The following FMNL1 variants were observed in gnomAD, a reference collection of about 807,000 sequenced individuals.
The protein encoded by FMNL1 is formin-like protein 1.
FMNL1 carries 43 observed loss-of-function variants against 121.3 expected under a neutral mutation model. That is an observed-to-expected ratio of 0.35 (90% CI 0.28 to 0.46). FMNL1 has a LOEUF of 0.46. FMNL1 is among the 20% of genes least tolerant of loss of function. The pLI, the probability that FMNL1 is intolerant of heterozygous loss-of-function variation, is 1.00. For synonymous variants in FMNL1, 613 were observed against 613.5 expected (o/e 1.00, Z 0.01); for missense variants, 1,191 against 1,482.4 (o/e 0.80, Z 3.23).
intron 16 of FMNL1, 46 bp downstream of exon 16, chr17:45,242,511 G>A: frequency 1.9e-6 from 3 of 1,595,800 alleles, no homozygotes; most frequent in Non-Finnish European, 2.6e-6. Context: ...GGAGGAAGAG[G>A]GGAGTTGCCT....
chr17:45,238,799 A>G, intron 10 of FMNL1, 156 bp from the exon 11 acceptor site: 1 of 1,095,934 alleles, frequency 9.1e-7, no homozygotes. Context: ...GGCTGGATTG[A>G]GGGAACATGG....
chr17:45,237,426 G>C lies in FMNL1; in HGVS notation c.800+69G>C. Reference sequence around the variant, plus strand: ...TCCTACTTAGCCCCTTGCTTACTCTGTCCTCCAGGTCTCAGAGGCTCATTC... The same window carrying C: ...TCCTACTTAGCCCCTTGCTTACTCTCTCCTCCAGGTCTCAGAGGCTCATTC... On this transcript the variant is annotated intron_variant, in intron 8 of 26. Transcript: ENST00000331495. This position sits in a 1 kb window ranked among gnomAD's most constrained non-coding sequence, Gnocchi z 4.4. 2 of 1,609,684 alleles carry C rather than the reference G, an allele frequency of 1.2e-6. No homozygotes were observed. Among genetic ancestry groups the C allele is most frequent in the Non-Finnish European group, 1.7e-6 (2 of 1,176,026 alleles).
chr17:45,238,644 C>T lies in FMNL1; in HGVS notation c.969+6C>T. On this transcript the variant is annotated splice_donor_region_variant and intron_variant, in intron 10 of 26. Coordinates refer to ENST00000331495, the MANE Select transcript of FMNL1 (RefSeq NM_005892.4). ...ACAGCAACATCGACTTCATGGTGAG[C>T]TCAGGAGCCCAGCAGCCTGAGGCCT... The T allele has an allele frequency of 6.2e-7, 1 of 1,614,120 alleles. No homozygotes were observed. Among genetic ancestry groups the T allele is most frequent in the South Asian group, 1.1e-5 (1 of 91,088 alleles).
At position 45,237,221 on chromosome 17, in the gene FMNL1, TG is replaced by T; in HGVS notation, c.724-57del. ...AGGGCAGTTAAAGATCCACGTGGCG[TG>T]GGTGCCTGAAGTCCTGGGGGGCCCT... On this transcript the variant is annotated intron_variant, in intron 7 of 26. Transcript: ENST00000331495. This position sits in a 1 kb window ranked among gnomAD's most constrained non-coding sequence, Gnocchi z 4.4. 1 of 1,524,512 alleles carries T rather than the reference TG, an allele frequency of 6.6e-7. No individual in the cohort carries two copies. The highest frequency in any genetic ancestry group is 9.1e-7 in the Non-Finnish European group (1 of 1,099,978). The allele number at this position is 1,524,512 out of a possible 1,614,324, so 94.4% of individuals were successfully genotyped here.
At chr17:45,239,194 G>A (rs1354921691) in intron 11 of FMNL1, 129 bp downstream of exon 11, 2 of 726,480 alleles carry the variant, frequency 2.8e-6, no homozygotes, top group Non-Finnish European at 4.9e-6. Flanking sequence ...TGCCTGCCGT[G>A]TGACCTTGGA....
At chr17:45,244,712 A>C in intron 19 of FMNL1, 107 bp from the exon 20 acceptor site, 1 of 1,146,290 alleles carries the variant, frequency 8.7e-7, no homozygotes, top group Non-Finnish European at 1.3e-6. Context: ...GTAGGGGCTG[A>C]GTGTGTGGGG....
At chr17:45,246,702 G>A in intron 26 of FMNL1, 98 bp downstream of exon 26, 1 of 1,256,968 alleles carries the variant, frequency 8.0e-7, no homozygotes, top group Non-Finnish European at 1.1e-6. Context: ...CCAGTGGATG[G>A]CTGGGATGTG....
Position 45,246,286 on chromosome 17 carries a change from T to C in FMNL1, c.3167T>C (p.Ile1056Thr), listed in dbSNP as rs760670070. 6.2e-7 allele frequency: 1 copy of C among 1,614,040 alleles called. No homozygotes were observed. Among genetic ancestry groups the C allele is most frequent in the Non-Finnish European group, 8.5e-7 (1 of 1,179,966 alleles). Residue 1056 changes from isoleucine (I) to threonine (T), a missense_variant, in exon 25 of 27, where the codon ATT becomes ACT. Ile to Thr is a moderately conservative substitution (Grantham distance 89). Transcript: ENST00000331495. ...CGGAGGCAGCAGAAGGAGCCACTCATTTATGAGAGCGACCGTGATGGGGCC... is the reference window on the plus strand; with the variant it reads ...CGGAGGCAGCAGAAGGAGCCACTCACTTATGAGAGCGACCGTGATGGGGCC... The part of the protein sequence containing the change: ...LKRRQQKEPL[I>T]YESDRDGAIE...
chr17:45,232,776 G>A (rs79181461), intron 3 of FMNL1: 37,906 of 586,762 alleles, frequency 0.065, 1,409 homozygotes, highest in Admixed American at 0.11. Context: ...TGTATACTAT[G>A]TGTGTACTTT....
At chr17:45,228,692 C>T (rs2043378367) in intron 1 of FMNL1, among the ~76,000 whole-genome samples, 1 of 152,154 alleles carries the variant, frequency 6.6e-6, no homozygotes, top group African/African-American at 2.4e-5. Context: ...CTAGTTACTG[C>T]CCCTAGAAAT....
chr17:45,245,249 CCA>C lies in FMNL1; in HGVS notation c.2729-3_2729-2del. On this transcript the variant is annotated splice_acceptor_variant and splice_polypyrimidine_tract_variant and intron_variant, in intron 21 of 26. Transcript: ENST00000331495. LOFTEE classifies it high-confidence loss of function. The stretch of plus-strand genomic sequence containing the variant: ...GACCTGATACTGCCCCATCCCTGGC[CCA>C]GTGTCCCTGGACAGTGTCCTGGCGG... 2 of 1,614,164 alleles carry C rather than the reference CCA, an allele frequency of 1.2e-6. No individual in the cohort carries two copies. Among genetic ancestry groups the C allele is most frequent in the Non-Finnish European group, 1.7e-6 (2 of 1,180,018 alleles).
chr17:45,232,551 G>A (rs2043461167), intron 3 of FMNL1, 71 bp downstream of exon 3: 7 of 1,421,976 alleles, frequency 4.9e-6, no homozygotes, highest in South Asian at 1.2e-5. Context: ...TGGAGTAACT[G>A]TGTGTACAGA....
At position 45,238,493 on chromosome 17, in the gene FMNL1, G is replaced by A. The variant is rs1238011577; in HGVS notation, c.895-71G>A. 1.4e-5 allele frequency: 21 copies of A among 1,534,356 alleles called. No individual in the cohort carries two copies. The Admixed American group carries it at 3.1e-4, about 22-fold the overall frequency. ...CTGGAGAGGAGCCTGTTGAAGCACAGGTGTGGCAGCCAGAAGGTAGCTTAG... is the reference window on the plus strand; with the variant it reads ...CTGGAGAGGAGCCTGTTGAAGCACAAGTGTGGCAGCCAGAAGGTAGCTTAG... On this transcript the variant is annotated intron_variant, in intron 9 of 26. Coordinates refer to ENST00000331495, the MANE Select transcript of FMNL1 (RefSeq NM_005892.4).
chr17:45,239,698 G>A (rs1199413792), intron 11 of FMNL1, among the ~76,000 whole-genome samples: 1 of 152,186 alleles, frequency 6.6e-6, no homozygotes, highest in Non-Finnish European at 1.5e-5. Context: ...GTATTATTCA[G>A]CCACAAGAAG....
At chr17:45,242,893 C>T (rs971454753) in intron 16 of FMNL1, among the ~76,000 whole-genome samples, 2 of 152,242 alleles carry the variant, frequency 1.3e-5, no homozygotes, top group African/African-American at 4.8e-5. Flanking sequence ...CTTCCTTTAG[C>T]TCTTGTGGCC....
chr17:45,230,735 C>G (rs758015975), intron 2 of FMNL1, 48 bp downstream of exon 2: 1 of 1,589,966 alleles, frequency 6.3e-7, no homozygotes, highest in Admixed American at 1.7e-5. Flanking sequence ...ACTGTCAGTA[C>G]CCCACCCTGA....
intron 19 of FMNL1, 121 bp downstream of exon 19, chr17:45,244,365 A>G: frequency 3.9e-6 from 5 of 1,270,016 alleles, no homozygotes; most frequent in Non-Finnish European, 5.5e-6. Context: ...GTACATGCTG[A>G]GAAGGACAAA....
intron 6 of FMNL1, chr17:45,234,663 C>CA (rs58221219): frequency 0.14 from 9,471 of 68,654 alleles, 789 homozygotes; most frequent in African/African-American, 0.22. Context: ...GACCCTGTCT[C>CA]AAAAAAAAAA....
In FMNL1 at chr17:45,233,805, C is replaced by A; in HGVS notation, c.485+74C>A. ...CCCGTCTCCCTGCATCTCACCCACT[C>A]CCCTGGCCAGTTTCAAGCCAGGCAG... On this transcript the variant is annotated intron_variant, in intron 5 of 26. Transcript: ENST00000331495. This position sits in a 1 kb window ranked among gnomAD's most constrained non-coding sequence, Gnocchi z 4.1. The A allele has an allele frequency of 1.3e-6, 2 of 1,573,026 alleles. No individual in the cohort carries two copies. The highest frequency in any genetic ancestry group is 1.1e-5 in the South Asian group (1 of 88,548).
Sources: allele counts gnomAD v4.1 joint callset (sites outside exome capture counted in the v4.1 genomes callset), GRCh38; gene constraint gnomAD v4.1.1; non-coding constraint Gnocchi (gnomAD v3.1); transcripts MANE v1.5; gene names NCBI Gene and HGNC (gene_info 2026-07-23, HGNC 2026-07-21).